Variants in MAP2K5 observed in about 807,000 individuals in gnomAD.
The protein encoded by MAP2K5 is dual specificity mitogen-activated protein kinase kinase 5.
A neutral mutation model predicts 83.1 loss-of-function variants in MAP2K5; 49 were observed. That is an observed-to-expected ratio of 0.59 (90% CI 0.47 to 0.75). The LOEUF (loss-of-function observed/expected upper bound fraction) is 0.75. Ranked by LOEUF, MAP2K5 falls within the 30% of genes least tolerant of loss-of-function variation. MAP2K5 has a pLI of 0.00. For synonymous variants in MAP2K5, 202 were observed against 191.8 expected (o/e 1.05, Z -0.44); for missense variants, 457 against 557.5 (o/e 0.82, Z 1.82).
chr15:67,659,778 T>C (rs1292356806), intron 12 of MAP2K5, among the ~76,000 whole-genome samples: 2 of 152,152 alleles, frequency 1.3e-5, no homozygotes, highest in Non-Finnish European at 2.9e-5. Context: ...ATATATTCAG[T>C]TATCTATGGA....
chr15:67,795,035 C>T (rs2090581971), intron 21 of MAP2K5, among the ~76,000 whole-genome samples: 1 of 152,270 alleles, frequency 6.6e-6, no homozygotes, highest in Admixed American at 6.5e-5. Flanking sequence ...CACTTCTCCA[C>T]TTCTCATCAT....
rs1420278432 is a variant in MAP2K5, at chr15:67,782,651, C to T, written c.1242+9899C>T. Among the ~76,000 whole-genome samples the T allele has an allele frequency of 6.6e-6, 1 of 152,178 alleles. No individual in the cohort carries two copies. Among genetic ancestry groups the T allele is most frequent in the African/African-American group, 2.4e-5 (1 of 41,440 alleles). On this transcript the variant is annotated intron_variant, in intron 21 of 21. Coordinates refer to ENST00000178640, the MANE Select transcript of MAP2K5 (RefSeq NM_145160.3). This position sits in a 1 kb window ranked among gnomAD's most constrained non-coding sequence, Gnocchi z 4.9. ...AATTTAAATTTTGTTTCAATCAACC[C>T]CTGTGCTCACAGCCTGCTCCAGTTT...
chr15:67,605,247 G>T lies in MAP2K5; in HGVS notation c.545+4498G>T, dbSNP rs529386563. On this transcript the variant is annotated intron_variant, in intron 8 of 21. Transcript: ENST00000178640. ...TTTTCTGTATTTTAGTAGGGATGGG[G>T]TTTCACCATGTTGGCCAGGATGGTC... Among the ~76,000 whole-genome samples, 27 of 151,914 alleles carry T rather than the reference G, an allele frequency of 1.8e-4. No individual in the cohort carries two copies. The East Asian group carries it at 3.3e-3, about 19-fold the overall frequency.
chr15:67,654,694 G>T (rs1407086924), intron 11 of MAP2K5, among the ~76,000 whole-genome samples: 1 of 152,100 alleles, frequency 6.6e-6, no homozygotes, highest in Non-Finnish European at 1.5e-5. Flanking sequence ...TATTCTTAAT[G>T]TTGCTCTAGG....
chr15:67,623,158 G>C (rs932026211), intron 8 of MAP2K5, among the ~76,000 whole-genome samples: 2 of 152,146 alleles, frequency 1.3e-5, no homozygotes, highest in Admixed American at 1.3e-4. Context: ...GGTAGCTTAT[G>C]CCTCATATTT....
intron 11 of MAP2K5, among the ~76,000 whole-genome samples, chr15:67,648,832 G>T (rs1464537214): frequency 2.6e-5 from 4 of 152,108 alleles, no homozygotes; most frequent in Non-Finnish European, 5.9e-5. Flanking sequence ...CCCCGCCTTG[G>T]CCTCCCGAGG....
chr15:67,705,038 C>T, intron 16 of MAP2K5, among the ~76,000 whole-genome samples: 1 of 152,104 alleles, frequency 6.6e-6, no homozygotes, highest in East Asian at 1.9e-4. Flanking sequence ...AAGCCCCTTT[C>T]CAGACTAACA....
Position 67,806,814 on chromosome 15 carries a change from T to C in MAP2K5, c.*64T>C. 2 of 1,598,142 alleles carry C rather than the reference T, an allele frequency of 1.3e-6. No individual in the cohort carries two copies. Among genetic ancestry groups the C allele is most frequent in the South Asian group, 1.1e-5 (1 of 90,632 alleles). On this transcript the variant is annotated 3_prime_UTR_variant, in exon 22 of 22. Coordinates refer to ENST00000178640, the MANE Select transcript of MAP2K5 (RefSeq NM_145160.3). ...AAGGAGAACAACCCACCCGTCGCCCTTCTCCGTATGCTGCCTGCGCCAGAA... is the reference window on the plus strand; with the variant it reads ...AAGGAGAACAACCCACCCGTCGCCCCTCTCCGTATGCTGCCTGCGCCAGAA...
chr15:67,641,165 T>G (rs1002906457), intron 9 of MAP2K5, among the ~76,000 whole-genome samples: 4 of 152,224 alleles, frequency 2.6e-5, no homozygotes, highest in Non-Finnish European at 4.4e-5. Flanking sequence ...ATTGTTTGTT[T>G]TCTAAGTGGG....
chr15:67,673,613 G>C (rs1027032383), intron 13 of MAP2K5, among the ~76,000 whole-genome samples: 10 of 152,146 alleles, frequency 6.6e-5, no homozygotes, highest in African/African-American at 1.7e-4. Context: ...ATTAGGGAAT[G>C]ATTATTTTCT....
intron 17 of MAP2K5, among the ~76,000 whole-genome samples, chr15:67,732,931 C>T (rs891017885): frequency 4.6e-5 from 7 of 152,172 alleles, no homozygotes; most frequent in South Asian, 2.1e-4. Flanking sequence ...TGAATCTCCA[C>T]GACTTGTAAG....
intron 16 of MAP2K5, among the ~76,000 whole-genome samples, chr15:67,705,736 C>G (rs1487565549): frequency 1.4e-5 from 2 of 141,748 alleles, no homozygotes; most frequent in Admixed American, 7.0e-5. Flanking sequence ...AACTCCATCT[C>G]AAAAAAAAAA....
At position 67,778,013 on chromosome 15, in the gene MAP2K5, T is replaced by G. The variant is rs543804587; in HGVS notation, c.1242+5261T>G. Among the ~76,000 whole-genome samples, 1 of 152,354 alleles carries G rather than the reference T, an allele frequency of 6.6e-6. No homozygotes were observed. The highest frequency in any genetic ancestry group is 1.9e-4 in the East Asian group (1 of 5,190). On this transcript the variant is annotated intron_variant, in intron 21 of 21. Transcript: ENST00000178640. This position sits in a 1 kb window ranked among gnomAD's most constrained non-coding sequence, Gnocchi z 5.0. ...TCAGTTAAAATCAGAATAGCGCTCT[T>G]GGATTTTTTTCCTTCATGTCATCCC...
Position 67,553,898 on chromosome 15 carries a change from C to T in MAP2K5, c.184+3816C>T, listed in dbSNP as rs540950114. Among the ~76,000 whole-genome samples, 932 of 107,878 alleles carry T rather than the reference C, an allele frequency of 8.6e-3. 26 individuals are homozygous for T. The Admixed American group carries it at 0.1, about 12-fold the overall frequency. 70.8% of individuals were successfully genotyped at this position (107,878 alleles called of 152,430 possible). ...ACTGCAGTCCGCAGTCCGGCCTGGGCGACAGAGCGAGACTCCATCTCAAAA... is the reference window on the plus strand; with the variant it reads ...ACTGCAGTCCGCAGTCCGGCCTGGGTGACAGAGCGAGACTCCATCTCAAAA... On this transcript the variant is annotated intron_variant, in intron 2 of 21. Transcript: ENST00000178640.
At chr15:67,686,405 G>A (rs1277624640) in intron 13 of MAP2K5, among the ~76,000 whole-genome samples, 1 of 151,878 alleles carries the variant, frequency 6.6e-6, no homozygotes, top group Non-Finnish European at 1.5e-5. Flanking sequence ...TCAGGAGTTC[G>A]AGACCAGCCT....
rs1157279051 is a variant in MAP2K5 at position 67,724,034 on chromosome 15, C to T, written c.1045-3882C>T. 6.6e-6 allele frequency among the ~76,000 whole-genome samples: 1 copy of T among 152,174 alleles called. No individual in the cohort carries two copies. The highest frequency in any genetic ancestry group is 1.9e-4 in the East Asian group (1 of 5,202). On this transcript the variant is annotated intron_variant, in intron 16 of 21. Transcript: ENST00000178640. The surrounding 1 kb of genome is among the most constrained non-coding windows in gnomAD (Gnocchi z 4.4). ...TTTCCTAGTTTTAAACCAAACCACC[C>T]TCTTGAGTGCTGATTGCCTTGCCCG...
chr15:67,572,410 C>G lies in MAP2K5; in HGVS notation c.253-8344C>G, dbSNP rs1330267896. Among the ~76,000 whole-genome samples, 1 of 152,142 alleles carries G rather than the reference C, an allele frequency of 6.6e-6. No individual in the cohort carries two copies. The highest frequency in any genetic ancestry group is 2.4e-5 in the African/African-American group (1 of 41,418). On this transcript the variant is annotated intron_variant, in intron 3 of 21. Transcript: ENST00000178640. This position sits in a 1 kb window ranked among gnomAD's most constrained non-coding sequence, Gnocchi z 4.2. ...CTGTTATCGGAAAGGGGTCCCAATC[C>G]AGACCCTAAGAGAGAGTTCTTGGAT...
chr15:67,603,197 G>A (rs117623256), intron 8 of MAP2K5, among the ~76,000 whole-genome samples: 1 of 152,304 alleles, frequency 6.6e-6, no homozygotes, highest in Non-Finnish European at 1.5e-5. Context: ...TTCGTCTTGT[G>A]TAATCGAAAC....
At chr15:67,696,918 G>A (rs1378036363) in intron 15 of MAP2K5, among the ~76,000 whole-genome samples, 1 of 152,256 alleles carries the variant, frequency 6.6e-6, no homozygotes. Flanking sequence ...GGCGGAGGTT[G>A]CGGTGAGCTG....
Sources: gnomAD v4.1 joint callset for allele counts (sites outside exome capture counted in the v4.1 genomes callset) on GRCh38, gnomAD v4.1.1 for gene constraint, Gnocchi (gnomAD v3.1) non-coding constraint, MANE v1.5 for transcripts, NCBI Gene and HGNC (gene_info 2026-07-23, HGNC 2026-07-21) for gene names.